Variants in RARS2 observed in about 807,000 individuals in gnomAD.
RARS2 encodes the protein arginyl-tRNA synthetase 2, mitochondrial.
Under a neutral mutation model 88.5 loss-of-function variants are expected in RARS2, and 67 were observed. The observed-to-expected ratio is 0.76, with a 90% CI of 0.62 to 0.93. RARS2 has a LOEUF of 0.93. Ranked by LOEUF, RARS2 falls within the 40% of genes least tolerant of loss-of-function variation. RARS2 has a pLI of 0.00. For synonymous variants in RARS2, 239 were observed against 230.3 expected (o/e 1.04, Z -0.34); for missense variants, 664 against 684.2 (o/e 0.97, Z 0.33).
chr6:87,531,073 T>G (rs1582402760), intron 8 of RARS2, 131 bp from the exon 9 acceptor site: 3 of 1,430,738 alleles, frequency 2.1e-6, no homozygotes, highest in Non-Finnish European at 2.8e-6. Context: ...CATTACAGAG[T>G]GTAACTTTTT....
At chr6:87,557,796 T>C (rs931164084) in intron 4 of RARS2, among the ~76,000 whole-genome samples, 4 of 152,352 alleles carry the variant, frequency 2.6e-5, no homozygotes, top group Non-Finnish European at 5.9e-5. Context: ...TTCCACCATC[T>C]GCCCTTGACT....
chr6:87,529,241 A>G lies in RARS2; in HGVS notation c.878+301T>C, dbSNP rs552364469. 2.6e-5 allele frequency among the ~76,000 whole-genome samples: 4 copies of G among 152,320 alleles called. No individual in the cohort carries two copies. In the South Asian group the frequency reaches 8.3e-4, roughly 32 times the overall value. On this transcript the variant is annotated intron_variant, in intron 10 of 19. Transcript: ENST00000369536. ...AAACTGAATCAGAAGATAATAAGATATATTTCCTTTTTTCAGTTATATCAT... is the reference window on the plus strand; with the variant it reads ...AAACTGAATCAGAAGATAATAAGATGTATTTCCTTTTTTCAGTTATATCAT...
In RARS2 at chr6:87,569,538, G is replaced by A. The variant is rs759456222; in HGVS notation, c.89C>T (p.Ala30Val). 4 of 1,603,260 alleles carry A rather than the reference G, an allele frequency of 2.5e-6. No homozygotes were observed. Among genetic ancestry groups the A allele is most frequent in the East Asian group, 2.2e-5 (1 of 44,736 alleles). ...TAACTCTTTTTGGGAAATTGGAACT[G>A]CAGATATTGATGTGATCAAGTTTTC... The part of the protein sequence containing the change: ...PPENLITSIS[A>V]VPISQKEEVA... Residue 30 changes from alanine to valine, a missense_variant, in exon 2 of 20, where the codon GCA (alanine) becomes GTA (valine). Ala to Val is a moderately conservative substitution (Grantham distance 64). Transcript: ENST00000369536.
intron 1 of RARS2, among the ~76,000 whole-genome samples, chr6:87,571,343 T>C (rs1443360217): frequency 1.3e-5 from 2 of 152,238 alleles, no homozygotes; most frequent in African/African-American, 4.8e-5. Context: ...TCCCCAGCCA[T>C]GCTGAACTGT....
intron 8 of RARS2, among the ~76,000 whole-genome samples, chr6:87,533,893 G>A (rs1314724707): frequency 6.6e-6 from 1 of 152,130 alleles, no homozygotes; most frequent in Non-Finnish European, 1.5e-5. Context: ...ACTCCTTGAT[G>A]TGGGGCTCTA....
rs947310183 is a variant in RARS2, at chr6:87,555,591, T to A, written c.298-86A>T. 3 of 1,057,858 alleles carry A rather than the reference T, an allele frequency of 2.8e-6. No individual in the cohort carries two copies. The African/African-American group carries it at 4.7e-5, about 17-fold the overall frequency. 65.5% of individuals were successfully genotyped at this position (1,057,858 alleles called of 1,614,324 possible). Reference sequence around the variant, plus strand: ...TACTGAGAATTAAATGTTGCCAATTTGTTCACTCTAATTTATGGAACTGAG... The same window carrying A: ...TACTGAGAATTAAATGTTGCCAATTAGTTCACTCTAATTTATGGAACTGAG... On this transcript the variant is annotated intron_variant, in intron 4 of 19. Transcript: ENST00000369536.
At chr6:87,521,797 A>T (rs1412614714) in intron 11 of RARS2, among the ~76,000 whole-genome samples, 1 of 152,236 alleles carries the variant, frequency 6.6e-6, no homozygotes, top group Non-Finnish European at 1.5e-5. Flanking sequence ...TTCTACAACA[A>T]GTAGTAATAA....
chr6:87,588,026 G>A (rs902121726), intron 1 of RARS2, among the ~76,000 whole-genome samples: 7 of 152,022 alleles, frequency 4.6e-5, no homozygotes, highest in South Asian at 2.1e-4. Flanking sequence ...CTCCCACCTC[G>A]GCCTCTCAAA....
chr6:87,521,442 AC>A (rs768960689), intron 12 of RARS2, 21 bp downstream of exon 12: 15 of 1,554,652 alleles, frequency 9.6e-6, no homozygotes, highest in African/African-American at 1.4e-5. Context: ...AGAGATCATA[AC>A]TTTTTGTTCT....
intron 5 of RARS2, among the ~76,000 whole-genome samples, chr6:87,550,808 G>GAA (rs34971117): frequency 2.1e-3 from 257 of 124,470 alleles, no homozygotes; most frequent in African/African-American, 7.2e-3. Flanking sequence ...CATTATTTAA[G>GAA]AAAAAAAAAA....
At chr6:87,526,876 G>C (rs1390596016) in intron 10 of RARS2, among the ~76,000 whole-genome samples, 1 of 151,674 alleles carries the variant, frequency 6.6e-6, no homozygotes, top group Non-Finnish European at 1.5e-5. Flanking sequence ...TCTCCATGTT[G>C]GTCAGGCTGG....
intron 2 of RARS2, chr6:87,564,471 A>G: frequency 2.1e-6 from 1 of 470,270 alleles, no homozygotes; most frequent in East Asian, 4.2e-5. Context: ...CAGCCTGGCC[A>G]CATGGTAAAA....
intron 4 of RARS2, among the ~76,000 whole-genome samples, chr6:87,557,207 A>C (rs957571277): frequency 6.6e-6 from 1 of 152,204 alleles, no homozygotes; most frequent in African/African-American, 2.4e-5. Flanking sequence ...TAAGGTTCAG[A>C]AATAGTATGT....
intron 8 of RARS2, among the ~76,000 whole-genome samples, chr6:87,541,456 G>A (rs1460086443): frequency 6.6e-6 from 1 of 152,128 alleles, no homozygotes; most frequent in Non-Finnish European, 1.5e-5. Flanking sequence ...GGATGCAAGT[G>A]TGAGTCACTG....
chr6:87,540,363 C>T (rs9450733), intron 8 of RARS2, among the ~76,000 whole-genome samples: 91,034 of 148,992 alleles, frequency 0.61, 28,456 homozygotes, highest in African/African-American at 0.75. Flanking sequence ...TGAGGCAGAA[C>T]TGCTTCAACC....
chr6:87,586,812 T>C (rs540522229), intron 1 of RARS2, among the ~76,000 whole-genome samples: 4 of 152,334 alleles, frequency 2.6e-5, no homozygotes, highest in African/African-American at 9.6e-5. Flanking sequence ...TTTGAATTTT[T>C]TCAGATTTTG....
chr6:87,556,497 T>C (rs962391883), intron 4 of RARS2, among the ~76,000 whole-genome samples: 3 of 151,608 alleles, frequency 2.0e-5, no homozygotes, highest in Non-Finnish European at 4.4e-5. Context: ...TAAAACAAAA[T>C]TTTTTTTGGA....
At chr6:87,561,682 C>T (rs1045361008) in intron 4 of RARS2, among the ~76,000 whole-genome samples, 1 of 152,242 alleles carries the variant, frequency 6.6e-6, no homozygotes, top group Non-Finnish European at 1.5e-5. Flanking sequence ...TGAGTGCTCA[C>T]TGCTCCAGGA....
chr6:87,521,273 C>T (rs1773747440), intron 12 of RARS2, among the ~76,000 whole-genome samples, 191 bp downstream of exon 12: 1 of 152,110 alleles, frequency 6.6e-6, no homozygotes. Context: ...GTAATTTTTT[C>T]TTACTATGAA....
Sources: gnomAD v4.1 joint callset for allele counts (sites outside exome capture counted in the v4.1 genomes callset) on GRCh38, gnomAD v4.1.1 for gene constraint, MANE v1.5 for transcripts, NCBI Gene and HGNC (gene_info 2026-07-23, HGNC 2026-07-21) for gene names.